The following CSMD2 variants were observed in gnomAD, a reference collection of about 807,000 sequenced individuals.
CSMD2 encodes CUB and Sushi multiple domains 2, also known as CUB and sushi domain-containing protein 2.
Under a neutral mutation model 398.5 loss-of-function variants are expected in CSMD2, and 130 were observed. That is an observed-to-expected ratio of 0.33 (90% confidence interval 0.28 to 0.38). CSMD2 has a LOEUF of 0.38. Among genes scored for constraint, CSMD2 ranks in the 10% least tolerant of loss-of-function variants. The pLI is 1.00. For missense variants in CSMD2, 3,829 were observed against 4,764.9 expected, an observed-to-expected ratio of 0.80 and a Z score of 5.78; for synonymous variants, 1,828 against 1,908.5, an observed-to-expected ratio of 0.96 and a Z score of 1.10.
intron 70 of CSMD2, among the ~76,000 whole-genome samples, chr1:33,517,114 G>A (rs1653836929): frequency 6.6e-6 from 1 of 152,030 alleles, no homozygotes; most frequent in Non-Finnish European, 1.5e-5. Flanking sequence ...TTAGTAGGGT[G>A]TTTATTTTAA....
At chr1:34,142,604 A>G (rs1639405969) in intron 1 of CSMD2, among the ~76,000 whole-genome samples, 1 of 152,224 alleles carries the variant, frequency 6.6e-6, no homozygotes, top group Admixed American at 6.5e-5. Context: ...ATCTTCTTGC[A>G]TGAAATTGTA....
chr1:33,709,280 C>T, intron 21 of CSMD2, 22 bp from the exon 22 acceptor site: 1 of 1,605,320 alleles, frequency 6.2e-7, no homozygotes, highest in South Asian at 1.1e-5. Flanking sequence ...ATCACAATAA[C>T]CATAGATTAA....
chr1:34,110,942 CT>C (rs1283775184), intron 1 of CSMD2, among the ~76,000 whole-genome samples: 1 of 152,146 alleles, frequency 6.6e-6, no homozygotes, highest in Non-Finnish European at 1.5e-5. Context: ...AACTAACCCC[CT>C]ACTTCCATCG....
At chr1:33,732,096 G>A (rs1229605112) in intron 15 of CSMD2, among the ~76,000 whole-genome samples, 1 of 152,056 alleles carries the variant, frequency 6.6e-6, no homozygotes, top group Admixed American at 6.5e-5. Context: ...AAACAGGGAA[G>A]CACACACATG....
intron 2 of CSMD2, among the ~76,000 whole-genome samples, chr1:34,088,222 G>A (rs1298037328): frequency 1.3e-5 from 2 of 152,244 alleles, no homozygotes; most frequent in African/African-American, 4.8e-5. Context: ...TGGCTTGTAA[G>A]CCATTAACCC....
chr1:34,031,662 T>C (rs966343605), intron 3 of CSMD2, among the ~76,000 whole-genome samples: 1 of 150,066 alleles, frequency 6.7e-6, no homozygotes, highest in South Asian at 2.1e-4. Context: ...CTTTATGCAT[T>C]ACACCCCTGG....
At chr1:33,986,305 G>C (rs1646358004) in intron 3 of CSMD2, among the ~76,000 whole-genome samples, 1 of 152,182 alleles carries the variant, frequency 6.6e-6, no homozygotes, top group Non-Finnish European at 1.5e-5. Flanking sequence ...CAGCGCTGCT[G>C]AAAGCTTGCC....
intron 3 of CSMD2, among the ~76,000 whole-genome samples, chr1:33,991,936 GA>G (rs1023226637): frequency 1.3e-5 from 2 of 150,392 alleles, no homozygotes; most frequent in Non-Finnish European, 3.0e-5. Context: ...TAATCCACTT[GA>G]AAAAAAAATC....
chr1:33,662,930 G>T lies in CSMD2; in HGVS notation c.4215C>A (p.Asp1405Glu). The change falls in exon 26 of 71, where the codon GAC becomes GAA. Residue 1405 changes from aspartate (D) to glutamate (E), a missense_variant. Around this residue, in one of 5 missense-constraint regions of CSMD2, gnomAD observed 2,001 missense variants for 2,567.1 expected, o/e 0.78. Transcript: ENST00000373381. ...FNSVVLQFST[D>E]FFTSKQGFAI... Reference sequence around the variant, plus strand: ...CAAAGCCCTGCTTGCTGGTGAAGAAGTCAGTGCTGAACTGCAGGACGACCG... The same window carrying T: ...CAAAGCCCTGCTTGCTGGTGAAGAATTCAGTGCTGAACTGCAGGACGACCG... 2.5e-6 allele frequency: 4 copies of T among 1,614,228 alleles called. No homozygotes were observed. The highest frequency in any genetic ancestry group is 3.4e-6 in the Non-Finnish European group (4 of 1,180,044).
intron 55 of CSMD2, among the ~76,000 whole-genome samples, chr1:33,555,398 A>G (rs1657862063): frequency 6.6e-6 from 1 of 152,248 alleles, no homozygotes; most frequent in South Asian, 2.1e-4. Flanking sequence ...AATGCTGTGA[A>G]CATTGTTGAA....
chr1:33,822,613 G>A (rs1015719112), intron 7 of CSMD2, among the ~76,000 whole-genome samples: 3 of 152,066 alleles, frequency 2.0e-5, no homozygotes, highest in African/African-American at 4.8e-5. Context: ...ATCCTGAGCC[G>A]TTCCCACCAG....
intron 5 of CSMD2, among the ~76,000 whole-genome samples, chr1:33,905,554 C>T (rs1436880520): frequency 6.6e-6 from 1 of 152,208 alleles, no homozygotes; most frequent in Non-Finnish European, 1.5e-5. Context: ...TGAGAAAGAA[C>T]TGTCTCAGCA....
rs150902896 is a variant in CSMD2, at chr1:34,063,234, G to A, written c.404+25743C>T. Among the ~76,000 whole-genome samples, 1,093 of 152,148 alleles carry A rather than the reference G, an allele frequency of 7.2e-3. 16 individuals carry two copies. The highest frequency in any genetic ancestry group is 0.052 in the East Asian group (267 of 5,166). On this transcript the variant is annotated intron_variant, in intron 2 of 70. Transcript: ENST00000373381. ...TGGCCCCTCCAAATCTCATGTCCTC[G>A]TATTTCAAAACCAATCATGCCTTCC... is the stretch of plus-strand genomic sequence containing the variant.
At chr1:34,092,569 A>G (rs555189175) in intron 1 of CSMD2, among the ~76,000 whole-genome samples, 302 of 152,322 alleles carry the variant, frequency 2.0e-3, no homozygotes, top group African/African-American at 6.7e-3. Flanking sequence ...CACGAGCCGA[A>G]GCAGGGCGAG....
chr1:33,561,066 C>T (rs1026550276), intron 53 of CSMD2, among the ~76,000 whole-genome samples: 3 of 152,196 alleles, frequency 2.0e-5, no homozygotes, highest in Non-Finnish European at 2.9e-5. Context: ...AAGGGATGTT[C>T]TCTTTGTCCA....
intron 44 of CSMD2, chr1:33,599,921 GAGCAGATACTGT>G: frequency 1.8e-6 from 1 of 560,880 alleles, no homozygotes; most frequent in South Asian, 2.5e-5. Flanking sequence ...AGTCACACCA[GAGCAGATACTGT>G]AGCAGATACT....
At chr1:33,551,593 T>G (rs1459333488) in intron 55 of CSMD2, among the ~76,000 whole-genome samples, 1 of 152,248 alleles carries the variant, frequency 6.6e-6, no homozygotes, top group Non-Finnish European at 1.5e-5. Flanking sequence ...TGGTAGGTAC[T>G]GGGATGGTAA....
chr1:33,569,882 T>C (rs572718293), intron 51 of CSMD2, among the ~76,000 whole-genome samples: 3 of 152,314 alleles, frequency 2.0e-5, no homozygotes, highest in Admixed American at 6.5e-5. Context: ...GATTCTGTGG[T>C]ATGCTCCTGA....
At chr1:33,614,152 T>C (rs1570948352) in intron 40 of CSMD2, among the ~76,000 whole-genome samples, 1 of 152,200 alleles carries the variant, frequency 6.6e-6, no homozygotes, top group East Asian at 1.9e-4. Flanking sequence ...CCCGCCTTTT[T>C]TTTTAAGTCC....
Sources: gnomAD v4.1 joint callset for allele counts (sites outside exome capture counted in the v4.1 genomes callset) on GRCh38, gnomAD v4.1.1 for gene constraint, gnomAD v4.1.1 regional missense constraint, MANE v1.5 for transcripts, NCBI Gene and HGNC (gene_info 2026-07-23, HGNC 2026-07-21) for gene names.